The following SFI1 variants were observed in gnomAD, a reference collection of about 807,000 sequenced individuals.
SFI1 encodes the protein SFI1 centrin binding protein, also known as protein SFI1 homolog.
SFI1 carries 195 observed loss-of-function variants against 207.5 expected under a neutral mutation model. The ratio of observed to expected loss-of-function variants is 0.94; its 90% CI spans 0.84 to 1.06. The LOEUF (loss-of-function observed/expected upper bound fraction) is 1.06. Among genes scored for constraint, SFI1 ranks in the 50% least tolerant of loss-of-function variants. The pLI, the probability that SFI1 is intolerant of heterozygous loss-of-function variation, is 0.00. For missense variants in SFI1, 1,634 were observed against 1,588.0 expected (o/e 1.03, Z -0.49); for synonymous variants, 630 against 598.9 (o/e 1.05, Z -0.76).
intron 12 of SFI1, among the ~76,000 whole-genome samples, chr22:31,581,834 ATG>A (rs2064216703): frequency 6.6e-6 from 1 of 152,062 alleles, no homozygotes; most frequent in Non-Finnish European, 1.5e-5. Flanking sequence ...AATATTTGCT[ATG>A]TTTGCCTCAT....
intron 21 of SFI1, 195 bp from the exon 22 acceptor site, chr22:31,607,742 C>T: frequency 2.2e-6 from 1 of 462,112 alleles, no homozygotes; most frequent in Non-Finnish European, 3.9e-6. Flanking sequence ...AAATGCTGGG[C>T]TTCCTGTGAG....
At chr22:31,611,369 C>T in intron 23 of SFI1, 66 bp downstream of exon 23, 1 of 1,502,210 alleles carries the variant, frequency 6.7e-7, no homozygotes, top group Non-Finnish European at 8.9e-7. Flanking sequence ...GGCCAGGAGA[C>T]CATTTCTCAG....
At chr22:31,557,113 C>T in intron 7 of SFI1, 54 bp downstream of exon 7, 1 of 1,069,344 alleles carries the variant, frequency 9.4e-7, no homozygotes, top group Non-Finnish European at 1.4e-6. Context: ...ACCTCATCAG[C>T]TTTATGGTGC....
intron 1 of SFI1, among the ~76,000 whole-genome samples, chr22:31,506,432 G>A (rs1357057094): frequency 6.6e-6 from 1 of 152,104 alleles, no homozygotes; most frequent in Non-Finnish European, 1.5e-5. Context: ...TTAATCTGAG[G>A]AAAAATAAGA....
At chr22:31,499,954 C>CAG (rs2053430313) in intron 1 of SFI1, among the ~76,000 whole-genome samples, 1 of 142,910 alleles carries the variant, frequency 7.0e-6, no homozygotes, top group Non-Finnish European at 1.5e-5. Context: ...CACTGTGCTC[C>CAG]AGCCTGGGCG....
intron 27 of SFI1, chr22:31,614,583 G>A (rs1048805515): frequency 2.8e-6 from 2 of 703,494 alleles, no homozygotes; most frequent in Admixed American, 4.0e-5. Context: ...AGACAATGTG[G>A]GTGAAGCAGT....
chr22:31,613,879 T>G (rs1415428474), intron 27 of SFI1, 24 bp downstream of exon 27: 6 of 1,568,136 alleles, frequency 3.8e-6, no homozygotes, highest in Admixed American at 1.8e-5. Context: ...GCTCACCTTG[T>G]CCTCGCTTCC....
At chr22:31,598,941 A>T in intron 15 of SFI1, among the ~76,000 whole-genome samples, 1 of 147,234 alleles carries the variant, frequency 6.8e-6, no homozygotes, top group East Asian at 2.1e-4. Context: ...TTACAAGCGC[A>T]CACCACCACG....
At chr22:31,524,698 ATT>A (rs59764922) in intron 2 of SFI1, among the ~76,000 whole-genome samples, 797 of 137,420 alleles carry the variant, frequency 5.8e-3, no homozygotes, top group Middle Eastern at 0.031. Flanking sequence ...TTTTAATTGG[ATT>A]TTTTTTTTTT....
chr22:31,526,416 TACTC>T (rs1342766346), intron 2 of SFI1, among the ~76,000 whole-genome samples: 9 of 152,206 alleles, frequency 5.9e-5, no homozygotes, highest in Admixed American at 2.6e-4. Flanking sequence ...CGTGGAAACT[TACTC>T]ACTATCATGA....
intron 21 of SFI1, among the ~76,000 whole-genome samples, chr22:31,607,047 A>C (rs2069146334): frequency 6.6e-6 from 1 of 151,824 alleles, no homozygotes; most frequent in Admixed American, 6.6e-5. Flanking sequence ...TGGACAACAG[A>C]GCAAGGTTGT....
chr22:31,548,019 C>G (rs2060256214), intron 5 of SFI1, among the ~76,000 whole-genome samples: 1 of 151,118 alleles, frequency 6.6e-6, no homozygotes, highest in Non-Finnish European at 1.5e-5. Flanking sequence ...TCGAGACCAT[C>G]CTGGCTAACA....
Position 31,517,083 on chromosome 22 carries a change from G to A in SFI1, c.92+8707G>A, listed in dbSNP as rs2056627813. On this transcript the variant is annotated intron_variant, in intron 2 of 32. Transcript: ENST00000400288. ...CAGGAGGCAGAGGTTGCAGTGAGCC[G>A]AGATGGTGCCACTATACTCCAGCCT... 2.6e-5 allele frequency among the ~76,000 whole-genome samples: 4 copies of A among 151,922 alleles called. No individual in the cohort carries two copies. In the South Asian group the frequency reaches 8.3e-4, roughly 32 times the overall value.
chr22:31,575,736 C>G (rs2063410496), intron 10 of SFI1, among the ~76,000 whole-genome samples: 1 of 152,146 alleles, frequency 6.6e-6, no homozygotes, highest in Non-Finnish European at 1.5e-5. Flanking sequence ...TTTGGTGTTA[C>G]AATTTAAGTG....
chr22:31,602,879 A>T, intron 17 of SFI1, 94 bp downstream of exon 17: 1 of 1,351,558 alleles, frequency 7.4e-7, no homozygotes, highest in South Asian at 1.4e-5. Context: ...TGTCTGGAGG[A>T]CTGCATTACC....
In SFI1 at chr22:31,596,143, C is replaced by T. The variant is rs2067071986; in HGVS notation, c.1545-6069C>T. ...TGGTGCATGCTTATAATCCCAGCTACTCCGGAGGCTGAGGCACAAGAATCA... is the reference window on the plus strand; with the variant it reads ...TGGTGCATGCTTATAATCCCAGCTATTCCGGAGGCTGAGGCACAAGAATCA... On this transcript the variant is annotated intron_variant, in intron 15 of 32. Transcript: ENST00000400288. Among the ~76,000 whole-genome samples, 2 of 152,148 alleles carry T rather than the reference C, an allele frequency of 1.3e-5. 1 individual carries two copies. The highest frequency in any genetic ancestry group is 4.1e-4 in the South Asian group (2 of 4,826).
Position 31,613,536 on chromosome 22 carries a change from C to T in SFI1, c.2742+6C>T, listed in dbSNP as rs1476469046. ...AGGCCCAGCAGCAGGTCCAGGTAGG[C>T]CCAGGGCCCCTTCCTGTGGGGAGCA... On this transcript the variant is annotated splice_donor_region_variant and intron_variant, in intron 26 of 32. Transcript: ENST00000400288. 21 of 1,583,436 alleles carry T rather than the reference C, an allele frequency of 1.3e-5. No individual in the cohort carries two copies. Among genetic ancestry groups the T allele is most frequent in the Admixed American group, 1.7e-5 (1 of 58,356 alleles).
At chr22:31,591,542 G>A (rs1230832564) in intron 15 of SFI1, among the ~76,000 whole-genome samples, 2 of 146,428 alleles carry the variant, frequency 1.4e-5, no homozygotes, top group Non-Finnish European at 1.5e-5. Context: ...CAGTAGGGGT[G>A]GCCGGGCAGA....
At chr22:31,607,871 G>A (rs996765246) in intron 21 of SFI1, 66 bp from the exon 22 acceptor site, 2 of 1,463,116 alleles carry the variant, frequency 1.4e-6, no homozygotes, top group African/African-American at 1.4e-5. Flanking sequence ...CACCGTCACA[G>A]ACCTGGGGTG....
Sources: allele counts gnomAD v4.1 joint callset (sites outside exome capture counted in the v4.1 genomes callset), GRCh38; gene constraint gnomAD v4.1.1; transcripts MANE v1.5; gene names NCBI Gene and HGNC (gene_info 2026-07-23, HGNC 2026-07-21).